TAFA1: variants seen among roughly 807,000 people sequenced by gnomAD.
TAFA1 encodes the protein TAFA chemokine like family member 1.
TAFA1 carries 4 observed loss-of-function variants against 18.5 expected under a neutral mutation model. The ratio of observed to expected loss-of-function variants is 0.22; its 90% confidence interval spans 0.11 to 0.49. The LOEUF (loss-of-function observed/expected upper bound fraction) is 0.49, where lower values mean the gene tolerates loss of function less well. Among genes scored for constraint, TAFA1 ranks in the 20% least tolerant of loss-of-function variants. The pLI, the probability that TAFA1 is intolerant of heterozygous loss-of-function variation, is 0.98. For missense variants in TAFA1, 147 were observed against 169.0 expected, an observed-to-expected ratio of 0.87 and a Z score of 0.72; for synonymous variants, 56 against 55.2, an observed-to-expected ratio of 1.01 and a Z score of -0.06.
At chr3:68,402,337 G>A (rs2070512157) in intron 2 of TAFA1, among the ~76,000 whole-genome samples, 1 of 152,164 alleles carries the variant, frequency 6.6e-6, no homozygotes, top group African/African-American at 2.4e-5. Flanking sequence ...CCTCTGCCTG[G>A]TGGCCAGACT....
chr3:68,395,443 A>C (rs1559650185), intron 2 of TAFA1, among the ~76,000 whole-genome samples: 1 of 152,214 alleles, frequency 6.6e-6, no homozygotes, highest in Non-Finnish European at 1.5e-5. Context: ...ATTACTGGCT[A>C]TATACCCAAA....
intron 2 of TAFA1, among the ~76,000 whole-genome samples, chr3:68,128,212 C>A (rs1182082766): frequency 6.6e-6 from 1 of 152,122 alleles, no homozygotes; most frequent in Non-Finnish European, 1.5e-5. Context: ...ACACACTTAA[C>A]TCCATGTAGT....
At chr3:68,529,249 C>G (rs533886811) in intron 3 of TAFA1, among the ~76,000 whole-genome samples, 2 of 151,856 alleles carry the variant, frequency 1.3e-5, no homozygotes, top group African/African-American at 4.8e-5. Flanking sequence ...CCACCCTGCC[C>G]TTCTTCACAA....
intron 2 of TAFA1, among the ~76,000 whole-genome samples, chr3:68,083,251 T>C (rs945494065): frequency 2.6e-5 from 4 of 152,334 alleles, no homozygotes; most frequent in African/African-American, 9.6e-5. Context: ...GAGGCTATCA[T>C]CTGCACCAAA....
intron 2 of TAFA1, among the ~76,000 whole-genome samples, chr3:68,283,964 A>G (rs1450339903): frequency 6.6e-6 from 1 of 152,216 alleles, no homozygotes. Flanking sequence ...CTTTAACCAG[A>G]AGCCAAGACC....
At chr3:68,085,318 TG>T (rs1426644556) in intron 2 of TAFA1, among the ~76,000 whole-genome samples, 1 of 152,224 alleles carries the variant, frequency 6.6e-6, no homozygotes, top group Non-Finnish European at 1.5e-5. Flanking sequence ...AGGCCTTAAT[TG>T]TGAAACACTC....
intron 2 of TAFA1, among the ~76,000 whole-genome samples, chr3:68,172,730 G>A (rs1373437980): frequency 5.3e-5 from 8 of 152,126 alleles, no homozygotes; most frequent in Middle Eastern, 6.8e-3. Flanking sequence ...ACAAATAAGC[G>A]TTGGAAACTT....
chr3:68,530,244 A>G (rs984486685), intron 3 of TAFA1, among the ~76,000 whole-genome samples: 4 of 152,220 alleles, frequency 2.6e-5, no homozygotes, highest in African/African-American at 9.6e-5. Context: ...CCCATTGCTT[A>G]TTAGTATCTT....
At chr3:68,032,263 C>T (rs940991233) in intron 2 of TAFA1, among the ~76,000 whole-genome samples, 1 of 152,118 alleles carries the variant, frequency 6.6e-6, no homozygotes. Context: ...AGCAAGTGTA[C>T]TAAAGTATGG....
intron 3 of TAFA1, among the ~76,000 whole-genome samples, chr3:68,467,252 G>T (rs531366673): frequency 6.6e-6 from 1 of 152,274 alleles, no homozygotes; most frequent in South Asian, 2.1e-4. Flanking sequence ...GTCCTGAGGT[G>T]ACATACATCC....
At chr3:68,484,171 C>G (rs1396634317) in intron 3 of TAFA1, among the ~76,000 whole-genome samples, 1 of 152,194 alleles carries the variant, frequency 6.6e-6, no homozygotes, top group Non-Finnish European at 1.5e-5. Context: ...ATTTTACATT[C>G]TTTCTTCTTT....
intron 2 of TAFA1, among the ~76,000 whole-genome samples, chr3:68,241,191 T>A (rs2107136455): frequency 6.6e-6 from 1 of 152,288 alleles, no homozygotes; most frequent in African/African-American, 2.4e-5. Flanking sequence ...TTCATAAAAT[T>A]GCAAATAAGA....
intron 2 of TAFA1, among the ~76,000 whole-genome samples, chr3:68,337,903 G>A (rs1351435172): frequency 6.6e-6 from 1 of 152,182 alleles, no homozygotes; most frequent in African/African-American, 2.4e-5. Context: ...GCATGCCTGA[G>A]ACATTGAGTC....
At chr3:68,403,214 T>C (rs564924750) in intron 2 of TAFA1, among the ~76,000 whole-genome samples, 13 of 152,304 alleles carry the variant, frequency 8.5e-5, no homozygotes, top group Admixed American at 8.5e-4. Context: ...CTCTATGAAT[T>C]AGCACAATGA....
At chr3:68,099,522 TGGA>T (rs1011161021) in intron 2 of TAFA1, among the ~76,000 whole-genome samples, 1 of 151,986 alleles carries the variant, frequency 6.6e-6, no homozygotes, top group African/African-American at 2.4e-5. Flanking sequence ...GGTGAGTCTG[TGGA>T]GAACACTTAT....
intron 2 of TAFA1, among the ~76,000 whole-genome samples, chr3:68,059,665 G>A (rs987808769): frequency 6.6e-6 from 1 of 152,176 alleles, no homozygotes; most frequent in African/African-American, 2.4e-5. Context: ...CAATGACAGA[G>A]GGGCCTGGGA....
chr3:68,396,141 T>C (rs2106730354), intron 2 of TAFA1, among the ~76,000 whole-genome samples: 1 of 152,284 alleles, frequency 6.6e-6, no homozygotes. Context: ...TGGTTTTTGT[T>C]TATTTTAGAG....
chr3:68,311,446 C>T (rs1250372397), intron 2 of TAFA1, among the ~76,000 whole-genome samples: 2 of 152,178 alleles, frequency 1.3e-5, no homozygotes, highest in Non-Finnish European at 2.9e-5. Flanking sequence ...AAATCAAAAA[C>T]AAGGTAGTTA....
chr3:68,051,719 A>G (rs966492499), intron 2 of TAFA1, among the ~76,000 whole-genome samples: 3 of 152,122 alleles, frequency 2.0e-5, no homozygotes, highest in African/African-American at 7.2e-5. Flanking sequence ...TATCATCATG[A>G]TTTCTCTGAC....
Sources: gnomAD v4.1 joint callset for allele counts (sites outside exome capture counted in the v4.1 genomes callset) on GRCh38, gnomAD v4.1.1 for gene constraint, MANE v1.5 for transcripts, NCBI Gene and HGNC (gene_info 2026-07-23, HGNC 2026-07-21) for gene names.